Variants in EPHB2 observed in about 807,000 individuals in gnomAD.
The protein encoded by EPHB2 is EPH receptor B2, also known as ephrin type-B receptor 2.
Under a neutral mutation model 96.4 loss-of-function variants are expected in EPHB2, and 18 were observed. The observed-to-expected ratio is 0.19, with a 90% CI of 0.13 to 0.28. The LOEUF (loss-of-function observed/expected upper bound fraction) is 0.28. Among genes scored for constraint, EPHB2 ranks in the 10% least tolerant of loss-of-function variants. EPHB2 has a pLI of 1.00. For synonymous variants in EPHB2, 506 were observed against 534.1 expected, an observed-to-expected ratio of 0.95 and a Z score of 0.72; for missense variants, 989 against 1,355.4, an observed-to-expected ratio of 0.73 and a Z score of 4.25.
intron 1 of EPHB2, among the ~76,000 whole-genome samples, chr1:22,778,789 G>C (rs569982344): frequency 1.3e-5 from 2 of 152,342 alleles, no homozygotes; most frequent in South Asian, 4.1e-4. Flanking sequence ...CCCACCCTAA[G>C]CTTCTTGGGA....
intron 1 of EPHB2, among the ~76,000 whole-genome samples, chr1:22,740,233 G>A (rs180790851): frequency 5.3e-5 from 8 of 152,244 alleles, no homozygotes; most frequent in Admixed American, 4.6e-4. Flanking sequence ...CTTCAACTGC[G>A]GTCACTGGGA....
At chr1:22,847,891 A>G (rs1645566818) in intron 3 of EPHB2, among the ~76,000 whole-genome samples, 1 of 151,784 alleles carries the variant, frequency 6.6e-6, no homozygotes, top group African/African-American at 2.4e-5. Flanking sequence ...ACAGACTCCT[A>G]CTCATCCTTT....
At chr1:22,803,709 ATATGTG>A (rs538902640) in intron 3 of EPHB2, among the ~76,000 whole-genome samples, 231 of 147,788 alleles carry the variant, frequency 1.6e-3, no homozygotes, top group African/African-American at 5.5e-3. Flanking sequence ...ATATATATGT[ATATGTG>A]TATATATATG....
intron 1 of EPHB2, among the ~76,000 whole-genome samples, chr1:22,776,602 A>G (rs563638151): frequency 6.6e-6 from 1 of 152,236 alleles, no homozygotes; most frequent in African/African-American, 2.4e-5. Flanking sequence ...GCAGACAAAC[A>G]TTTTTAATTG....
Position 22,919,738 on chromosome 1 carries a change from A to G in EPHB2, c.*6168A>G, listed in dbSNP as rs890471118. ...GAGGGAGGAGGTCACAGCCAGGACC[A>G]CATACACTCTTGGGGGCCCTGCTGA... On this transcript the variant is annotated 3_prime_UTR_variant, in exon 16 of 16. Transcript: ENST00000374630. 2.0e-5 allele frequency: 3 copies of G among 152,392 alleles called. No homozygotes were observed. Among genetic ancestry groups the G allele is most frequent in the Non-Finnish European group, 2.9e-5 (2 of 68,092 alleles). The allele number at this position is 152,392 out of a possible 1,614,324, so 9.4% of individuals were successfully genotyped here. A position where few individuals can be genotyped will look rare whatever the true frequency, so the allele number is the denominator to read the frequency against.
chr1:22,791,248 G>T (rs1464463326), intron 3 of EPHB2, among the ~76,000 whole-genome samples: 2 of 151,918 alleles, frequency 1.3e-5, no homozygotes, highest in African/African-American at 4.8e-5. Context: ...CAAAAGCAAT[G>T]CAGGTTATTT....
intron 3 of EPHB2, among the ~76,000 whole-genome samples, chr1:22,838,914 G>A (rs1645424209): frequency 6.6e-6 from 1 of 151,946 alleles, no homozygotes; most frequent in Non-Finnish European, 1.5e-5. Flanking sequence ...CTGGGCGACA[G>A]AGTGAGACTC....
At chr1:22,736,474 C>T (rs1372864467) in intron 1 of EPHB2, among the ~76,000 whole-genome samples, 1 of 152,202 alleles carries the variant, frequency 6.6e-6, no homozygotes, top group African/African-American at 2.4e-5. Flanking sequence ...TGTTTAGCAG[C>T]CCCCACCCCA....
intron 3 of EPHB2, among the ~76,000 whole-genome samples, chr1:22,801,400 C>G (rs1644841294): frequency 6.6e-6 from 1 of 152,138 alleles, no homozygotes; most frequent in Non-Finnish European, 1.5e-5. Context: ...CCAGCCACCG[C>G]CCTGGGTGGC....
intron 1 of EPHB2, among the ~76,000 whole-genome samples, chr1:22,750,537 C>T (rs988415259): frequency 2.0e-5 from 3 of 152,168 alleles, no homozygotes; most frequent in Admixed American, 1.3e-4. Flanking sequence ...CCTTCTCCTC[C>T]GTGCCTGCTG....
chr1:22,811,557 C>A (rs1184183564), intron 3 of EPHB2, among the ~76,000 whole-genome samples: 1 of 152,204 alleles, frequency 6.6e-6, no homozygotes, highest in African/African-American at 2.4e-5. Flanking sequence ...AGTTTATCTT[C>A]CAGTCTCTCT....
chr1:22,913,650 C>T lies in EPHB2; in HGVS notation c.*80C>T, dbSNP rs755579053. 5 of 1,601,356 alleles carry T rather than the reference C, an allele frequency of 3.1e-6. No homozygotes were observed. Among genetic ancestry groups the T allele is most frequent in the Middle Eastern group, 3.3e-4 (2 of 6,066 alleles). ...GTGCCGGCCCTCCTGGTGCTCTATC[C>T]ACTGCAGGGCCAGCCACTCGCCAGG... On this transcript the variant is annotated 3_prime_UTR_variant, in exon 16 of 16. Coordinates refer to ENST00000374630, the MANE Select transcript of EPHB2 (RefSeq NM_017449.5). This position sits in a 1 kb window ranked among gnomAD's most constrained non-coding sequence, Gnocchi z 4.1.
At chr1:22,814,179 AT>A (rs1204950756) in intron 3 of EPHB2, among the ~76,000 whole-genome samples, 2 of 152,158 alleles carry the variant, frequency 1.3e-5, no homozygotes, top group Non-Finnish European at 2.9e-5. Context: ...TCAAAAAAAA[AT>A]AAAGGAAAAA....
chr1:22,865,599 C>T (rs1289260704), intron 5 of EPHB2, among the ~76,000 whole-genome samples: 2 of 152,198 alleles, frequency 1.3e-5, no homozygotes, highest in African/African-American at 2.4e-5. Context: ...CATTTCCCCA[C>T]GTCCCCTGCT....
At chr1:22,903,672 G>T (rs1428158354) in intron 9 of EPHB2, among the ~76,000 whole-genome samples, 2 of 152,226 alleles carry the variant, frequency 1.3e-5, no homozygotes, top group African/African-American at 4.8e-5. Context: ...GAGTGGAGAA[G>T]CTAAGGCATA....
intron 7 of EPHB2, 129 bp downstream of exon 7, chr1:22,893,175 C>T: frequency 7.0e-7 from 1 of 1,423,726 alleles, no homozygotes; most frequent in Non-Finnish European, 9.8e-7. Flanking sequence ...GTCAGCCCTC[C>T]CTCCCTCCTA....
At chr1:22,869,205 A>G (rs1307703810) in intron 5 of EPHB2, among the ~76,000 whole-genome samples, 1 of 151,770 alleles carries the variant, frequency 6.6e-6, no homozygotes, top group African/African-American at 2.4e-5. Flanking sequence ...CCCCTTTGCC[A>G]GGTGAGGAAA....
At position 22,826,092 on chromosome 1, in the gene EPHB2, C is replaced by T. The variant is rs570673703; in HGVS notation, c.812-36945C>T. Among the ~76,000 whole-genome samples, 12 of 152,262 alleles carry T rather than the reference C, an allele frequency of 7.9e-5. No individual in the cohort carries two copies. The South Asian group carries it at 2.3e-3, about 29-fold the overall frequency. ...TGGGGAGCCACGGCCAGATTCTGAG[C>T]AGGAGAGTAGCTAGATCAGCTGATT... On this transcript the variant is annotated intron_variant, in intron 3 of 15. Transcript: ENST00000374630.
intron 13 of EPHB2, among the ~76,000 whole-genome samples, chr1:22,909,516 T>G (rs1640024284): frequency 6.6e-6 from 1 of 152,196 alleles, no homozygotes; most frequent in South Asian, 2.1e-4. Flanking sequence ...GAACCAGATG[T>G]TATGATCAGG....
Sources: allele counts gnomAD v4.1 joint callset (sites outside exome capture counted in the v4.1 genomes callset), GRCh38; gene constraint gnomAD v4.1.1; non-coding constraint Gnocchi (gnomAD v3.1); transcripts MANE v1.5; gene names NCBI Gene and HGNC (gene_info 2026-07-23, HGNC 2026-07-21).